The following DYM variants were observed in gnomAD, a reference collection of about 807,000 sequenced individuals.
DYM encodes the protein dymeclin, also known as dyggve-Melchior-Clausen syndrome protein.
In DYM, 78 loss-of-function variants were observed where a neutral mutation model predicts 93.1. The ratio of observed to expected loss-of-function variants is 0.84; its 90% CI spans 0.70 to 1.01. DYM has a LOEUF of 1.01. Among genes scored for constraint, DYM ranks in the 50% least tolerant of loss-of-function variants. The pLI, the probability that DYM is intolerant of heterozygous loss-of-function variation, is 0.00. For synonymous variants in DYM, 321 were observed against 319.7 expected (o/e 1.00, Z -0.04); for missense variants, 789 against 845.0 (o/e 0.93, Z 0.82).
chr18:49,301,217 A>T (rs2060908428), intron 8 of DYM, among the ~76,000 whole-genome samples: 1 of 152,176 alleles, frequency 6.6e-6, no homozygotes, highest in Admixed American at 6.5e-5. Flanking sequence ...TTACTCCTTA[A>T]AAAGAATTAA....
intron 5 of DYM, among the ~76,000 whole-genome samples, chr18:49,367,992 G>A (rs1203527848): frequency 6.6e-6 from 1 of 152,118 alleles, no homozygotes; most frequent in East Asian, 1.9e-4. Context: ...TAAAATATTA[G>A]ATTTAAACTT....
rs554962378 is a variant in DYM, at chr18:49,267,200, T to A, written c.1251+4978A>T. Among the ~76,000 whole-genome samples the A allele has an allele frequency of 3.8e-4, 56 of 149,210 alleles. No homozygotes were observed. The South Asian group carries it at 5.5e-3, about 15-fold the overall frequency. ...GTACAGACATTAAAAGGTAACTTTT[T>A]AAAAAAAAAAAAGAAGAGGTAATAA... On this transcript the variant is annotated intron_variant, in intron 11 of 17. Coordinates refer to ENST00000675505, the MANE Select transcript of DYM (RefSeq NM_001353214.3).
rs781028696 is a variant in DYM at position 49,286,481 on chromosome 18, G to A, written c.899C>T (p.Ala300Val). The A allele has an allele frequency of 2.4e-5, 38 of 1,614,020 alleles. No homozygotes were observed. Among genetic ancestry groups the A allele is most frequent in the African/African-American group, 2.7e-5 (2 of 74,916 alleles). ...VLANLTDASDAPNPYRQAIMS... is the reference protein window; with the variant it reads ...VLANLTDASDVPNPYRQAIMS... ...AATGGCTTGTCTGTAGGGGTTTGGC[G>A]CATCTGAGGCATCTGTCAGATTGGC... Residue 300 changes from alanine (A) to valine (V), a missense_variant, in exon 9 of 18, where the codon GCG (alanine) becomes GTG (valine). Ala to Val is a moderately conservative substitution (Grantham distance 64). Coordinates refer to ENST00000675505, the MANE Select transcript of DYM (RefSeq NM_001353214.3).
chr18:49,371,198 C>T (rs929915805), intron 5 of DYM, among the ~76,000 whole-genome samples: 1 of 152,150 alleles, frequency 6.6e-6, no homozygotes, highest in African/African-American at 2.4e-5. Flanking sequence ...TTATTTGGAG[C>T]CTCAAATAAG....
chr18:49,132,407 C>G (rs1254709930), intron 15 of DYM, among the ~76,000 whole-genome samples: 1 of 151,660 alleles, frequency 6.6e-6, no homozygotes, highest in African/African-American at 2.4e-5. Context: ...CTCAACTTGA[C>G]CTAAGATCAA....
At chr18:49,419,886 T>A (rs1293699919) in intron 2 of DYM, among the ~76,000 whole-genome samples, 2 of 152,220 alleles carry the variant, frequency 1.3e-5, no homozygotes, top group Non-Finnish European at 2.9e-5. Flanking sequence ...AAAGAAAAAT[T>A]ATTTTGGACA....
intron 6 of DYM, among the ~76,000 whole-genome samples, chr18:49,348,702 A>AGTT (rs1476193405): frequency 6.6e-6 from 1 of 152,126 alleles, no homozygotes; most frequent in Non-Finnish European, 1.5e-5. Context: ...TGAGGTCAAG[A>AGTT]CATAGAGGCC....
chr18:49,363,627 A>G (rs1441703802), intron 5 of DYM, among the ~76,000 whole-genome samples: 2 of 152,188 alleles, frequency 1.3e-5, no homozygotes, highest in Non-Finnish European at 2.9e-5. Context: ...GAGGACTTTT[A>G]TCCCTCCCTC....
chr18:49,369,991 A>C (rs12455199), intron 5 of DYM, among the ~76,000 whole-genome samples: 13,902 of 152,226 alleles, frequency 0.091, 861 homozygotes, highest in East Asian at 0.31. Flanking sequence ...CAAAACAGGA[A>C]TAACGCTGGG....
chr18:49,161,096 A>C (rs1754886198), intron 15 of DYM, among the ~76,000 whole-genome samples: 1 of 152,178 alleles, frequency 6.6e-6, no homozygotes. Context: ...AGAAAAAAAA[A>C]AAAAAGGATT....
At chr18:49,378,465 T>C in intron 5 of DYM, 102 bp downstream of exon 5, 4 of 1,134,064 alleles carry the variant, frequency 3.5e-6, no homozygotes, top group Non-Finnish European at 5.1e-6. Context: ...ATGAAAATTA[T>C]AAGGATAACT....
intron 14 of DYM, among the ~76,000 whole-genome samples, chr18:49,187,147 C>G (rs888184081): frequency 1.3e-5 from 2 of 152,038 alleles, no homozygotes; most frequent in African/African-American, 4.8e-5. Flanking sequence ...TCTCAATCTC[C>G]TGACCTCATG....
chr18:49,193,405 T>C (rs1205780479), intron 14 of DYM, among the ~76,000 whole-genome samples: 4 of 152,172 alleles, frequency 2.6e-5, no homozygotes, highest in Non-Finnish European at 4.4e-5. Context: ...CTGCCTCTTA[T>C]AGACAGCTAG....
chr18:49,373,502 G>A (rs748783203), intron 5 of DYM, among the ~76,000 whole-genome samples: 3 of 152,118 alleles, frequency 2.0e-5, no homozygotes, highest in South Asian at 2.1e-4. Context: ...GGTCACTCTC[G>A]TGGCCATTTT....
At chr18:49,117,462 T>C (rs750422463) in intron 16 of DYM, among the ~76,000 whole-genome samples, 4 of 152,238 alleles carry the variant, frequency 2.6e-5, no homozygotes, top group Non-Finnish European at 5.9e-5. Context: ...ATGTGTTTCA[T>C]ATCTTTATTA....
At chr18:49,347,123 G>A (rs974669508) in intron 6 of DYM, among the ~76,000 whole-genome samples, 9 of 152,102 alleles carry the variant, frequency 5.9e-5, no homozygotes, top group Non-Finnish European at 1.0e-4. Context: ...AATGCCTATC[G>A]CTTTCACATA....
intron 14 of DYM, among the ~76,000 whole-genome samples, chr18:49,185,302 G>C (rs921704582): frequency 2.0e-5 from 3 of 152,138 alleles, no homozygotes; most frequent in African/African-American, 7.2e-5. Flanking sequence ...TACAGAGCAG[G>C]AATTGGATTT....
chr18:49,189,737 T>C (rs1801517764), intron 14 of DYM, among the ~76,000 whole-genome samples: 1 of 152,060 alleles, frequency 6.6e-6, no homozygotes, highest in African/African-American at 2.4e-5. Context: ...GTTATTAATA[T>C]CAGTAATAAA....
intron 13 of DYM, among the ~76,000 whole-genome samples, chr18:49,224,530 G>A (rs2093465018): frequency 6.6e-6 from 1 of 151,994 alleles, no homozygotes; most frequent in African/African-American, 2.4e-5. Context: ...TTAGGAGGTG[G>A]GGTCTTCGGG....
Sources: allele counts gnomAD v4.1 joint callset (sites outside exome capture counted in the v4.1 genomes callset), GRCh38; gene constraint gnomAD v4.1.1; transcripts MANE v1.5; gene names NCBI Gene and HGNC (gene_info 2026-07-23, HGNC 2026-07-21).